The following DPYD variants were observed in gnomAD, a reference collection of about 807,000 sequenced individuals.
DPYD encodes the protein dihydropyrimidine dehydrogenase.
DPYD carries 109 observed loss-of-function variants against 116.2 expected under a neutral mutation model. That is an observed-to-expected ratio of 0.94 (90% CI 0.80 to 1.10). DPYD has a LOEUF of 1.10. Ranked by LOEUF, DPYD falls within the 50% of genes least tolerant of loss-of-function variation. The pLI, the probability that DPYD is intolerant of heterozygous loss-of-function variation, is 0.00. For missense variants in DPYD, 1,302 were observed against 1,254.5 expected (o/e 1.04, Z -0.57); for synonymous variants, 440 against 432.0 (o/e 1.02, Z -0.23).
intron 20 of DPYD, among the ~76,000 whole-genome samples, chr1:97,112,208 G>A (rs966327484): frequency 3.9e-5 from 6 of 151,906 alleles, no homozygotes; most frequent in South Asian, 2.1e-4. Flanking sequence ...TTAATATTAC[G>A]ATATAGTAAA....
At chr1:97,417,981 T>C (rs751660899) in intron 14 of DPYD, among the ~76,000 whole-genome samples, 29 of 152,300 alleles carry the variant, frequency 1.9e-4, no homozygotes, top group Non-Finnish European at 3.2e-4. Context: ...ATCCCTTATT[T>C]TGATAAAGAC....
At chr1:97,677,134 G>A (rs1660188505) in intron 8 of DPYD, among the ~76,000 whole-genome samples, 1 of 151,984 alleles carries the variant, frequency 6.6e-6, no homozygotes, top group African/African-American at 2.4e-5. Flanking sequence ...GGTGTTTCGT[G>A]GTTATAACTA....
intron 3 of DPYD, among the ~76,000 whole-genome samples, chr1:97,786,960 G>T (rs1254851155): frequency 6.6e-6 from 1 of 152,104 alleles, no homozygotes; most frequent in Admixed American, 6.5e-5. Flanking sequence ...AGACTAGTTA[G>T]CCATTGCTTC....
intron 12 of DPYD, chr1:97,547,074 T>A (rs898664929): frequency 4.1e-6 from 4 of 967,900 alleles, no homozygotes; most frequent in African/African-American, 3.2e-5. Context: ...GGAGGTGTAG[T>A]TTTTTTACTC....
chr1:97,255,396 C>G (rs1483500092), intron 18 of DPYD, among the ~76,000 whole-genome samples: 1 of 152,098 alleles, frequency 6.6e-6, no homozygotes, highest in African/African-American at 2.4e-5. Flanking sequence ...TGGGAGGGAC[C>G]CAGTGGGAGG....
At chr1:97,665,341 T>G (rs576394435) in intron 8 of DPYD, among the ~76,000 whole-genome samples, 30 of 152,320 alleles carry the variant, frequency 2.0e-4, no homozygotes, top group African/African-American at 7.2e-4. Flanking sequence ...GACATTAATA[T>G]AATAAGTGAT....
At chr1:97,088,371 G>GA (rs1338676821) in intron 21 of DPYD, among the ~76,000 whole-genome samples, 1 of 152,158 alleles carries the variant, frequency 6.6e-6, no homozygotes, top group African/African-American at 2.4e-5. Context: ...TTTTTAGCCA[G>GA]AAATAAGCCA....
chr1:97,793,411 CT>C (rs1667411667), intron 3 of DPYD, among the ~76,000 whole-genome samples: 1 of 152,022 alleles, frequency 6.6e-6, no homozygotes, highest in African/African-American at 2.4e-5. Context: ...AGCCAAACAA[CT>C]TATAAAAAGG....
intron 3 of DPYD, among the ~76,000 whole-genome samples, chr1:97,803,217 C>T (rs751304315): frequency 1.3e-5 from 2 of 151,820 alleles, no homozygotes; most frequent in African/African-American, 2.4e-5. Flanking sequence ...AGGAATGCCA[C>T]GACTCCTGCT....
At chr1:97,316,318 T>G (rs1453722701) in intron 16 of DPYD, among the ~76,000 whole-genome samples, 3 of 148,708 alleles carry the variant, frequency 2.0e-5, no homozygotes, top group Non-Finnish European at 4.5e-5. Context: ...GGCAAATCCT[T>G]GTCTCTAGTA....
intron 14 of DPYD, among the ~76,000 whole-genome samples, chr1:97,437,913 T>C (rs958915998): frequency 6.6e-6 from 1 of 152,030 alleles, no homozygotes; most frequent in Non-Finnish European, 1.5e-5. Context: ...TCATGTGAGA[T>C]CTGAATCAAG....
intron 11 of DPYD, among the ~76,000 whole-genome samples, chr1:97,570,486 G>A (rs1205518204): frequency 1.3e-5 from 2 of 151,956 alleles, no homozygotes; most frequent in African/African-American, 2.4e-5. Context: ...GAAAATATAG[G>A]TGGATACACA....
intron 7 of DPYD, among the ~76,000 whole-genome samples, chr1:97,685,807 C>T (rs1660694967): frequency 6.6e-6 from 1 of 152,124 alleles, no homozygotes; most frequent in African/African-American, 2.4e-5. Context: ...AGAAGAACTA[C>T]AAATCACTGC....
intron 19 of DPYD, among the ~76,000 whole-genome samples, chr1:97,214,408 A>T (rs748466949): frequency 4.2e-4 from 64 of 152,306 alleles, no homozygotes; most frequent in Admixed American, 1.6e-3. Flanking sequence ...TCTAGTTTTA[A>T]AAAGAAGTAG....
At chr1:97,138,770 G>A (rs1259261880) in intron 20 of DPYD, among the ~76,000 whole-genome samples, 1 of 152,154 alleles carries the variant, frequency 6.6e-6, no homozygotes, top group Non-Finnish European at 1.5e-5. Flanking sequence ...CTCTAGAGGA[G>A]TCACTCAAGA....
intron 3 of DPYD, among the ~76,000 whole-genome samples, chr1:97,751,393 TATATATAC>T (rs1204220930): frequency 7.0e-5 from 10 of 143,236 alleles, no homozygotes; most frequent in East Asian, 2.0e-4. Context: ...TATATGTGTG[TATATATAC>T]ATATATACGT....
intron 5 of DPYD, among the ~76,000 whole-genome samples, chr1:97,717,541 C>A (rs145893900): frequency 9.0e-4 from 137 of 152,058 alleles, no homozygotes; most frequent in African/African-American, 3.2e-3. Flanking sequence ...GCACCCATCA[C>A]CCAAGTAGTG....
chr1:97,896,948 T>C (rs562826252), intron 1 of DPYD, among the ~76,000 whole-genome samples: 3 of 152,110 alleles, frequency 2.0e-5, no homozygotes, highest in African/African-American at 7.2e-5. Context: ...GAGGTTTAAA[T>C]AGTAAGTAAA....
intron 20 of DPYD, among the ~76,000 whole-genome samples, chr1:97,173,552 T>C (rs1388997918): frequency 6.6e-6 from 1 of 151,256 alleles, no homozygotes; most frequent in East Asian, 2.0e-4. Context: ...TAGAGTTTAT[T>C]ACTATTTTTT....
Sources: gnomAD v4.1 joint callset for allele counts (sites outside exome capture counted in the v4.1 genomes callset) on GRCh38, gnomAD v4.1.1 for gene constraint, MANE v1.5 for transcripts, NCBI Gene and HGNC (gene_info 2026-07-23, HGNC 2026-07-21) for gene names.